Variants in CHD9 observed in about 807,000 individuals in gnomAD.
CHD9 encodes the protein chromodomain helicase DNA binding protein 9.
CHD9 carries 77 observed loss-of-function variants against 316.1 expected under a neutral mutation model. That is an observed-to-expected ratio of 0.24 (90% CI 0.20 to 0.29). The LOEUF (loss-of-function observed/expected upper bound fraction) is 0.29, where lower values mean the gene tolerates loss of function less well. Ranked by LOEUF, CHD9 falls within the 10% of genes least tolerant of loss-of-function variation. CHD9 has a pLI of 1.00. For synonymous variants in CHD9, 1,129 were observed against 1,158.3 expected, an observed-to-expected ratio of 0.97 and a Z score of 0.51; for missense variants, 2,763 against 3,438.1, an observed-to-expected ratio of 0.80 and a Z score of 4.91.
intron 1 of CHD9, among the ~76,000 whole-genome samples, chr16:53,070,762 C>T (rs1225316547): frequency 6.6e-6 from 1 of 152,142 alleles, no homozygotes; most frequent in Non-Finnish European, 1.5e-5. Flanking sequence ...CCATGTTGGC[C>T]AGGCTGGTCT....
chr16:53,211,613 A>G (rs554855673), intron 3 of CHD9, among the ~76,000 whole-genome samples: 1 of 152,250 alleles, frequency 6.6e-6, no homozygotes, highest in South Asian at 2.1e-4. Context: ...TTTTTGATAG[A>G]AGAATTTATA....
rs911358539 is a variant in CHD9 at position 53,101,410 on chromosome 16, G to A, written c.-165+46333G>A. ...CTGCCTCAGCCTCCTGAGTAGCTGG[G>A]ACCACAGGCATGTGCCACCACACTC... On this transcript the variant is annotated intron_variant, in intron 1 of 38. Transcript: ENST00000447540. Among the ~76,000 whole-genome samples the A allele has an allele frequency of 4.6e-5, 7 of 151,868 alleles. 1 individual carries two copies. Among genetic ancestry groups the A allele is most frequent in the Non-Finnish European group, 1.0e-4 (7 of 67,978 alleles).
chr16:53,115,061 A>G (rs905553517), intron 1 of CHD9, among the ~76,000 whole-genome samples: 10 of 152,248 alleles, frequency 6.6e-5, no homozygotes, highest in Non-Finnish European at 1.5e-5. Context: ...TTTTCAGGAC[A>G]GGTGTTAACA....
chr16:53,058,699 C>T (rs559871467), intron 1 of CHD9, among the ~76,000 whole-genome samples: 8 of 152,234 alleles, frequency 5.3e-5, no homozygotes, highest in South Asian at 2.1e-4. Flanking sequence ...GGATCATTTC[C>T]GCCTTTGAGA....
chr16:53,285,036 G>A (rs978819067), intron 24 of CHD9, among the ~76,000 whole-genome samples: 1 of 152,052 alleles, frequency 6.6e-6, no homozygotes, highest in Non-Finnish European at 1.5e-5. Context: ...TAAAGTGTTG[G>A]GATTACATAC....
intron 1 of CHD9, among the ~76,000 whole-genome samples, chr16:53,128,205 C>T (rs2039060050): frequency 1.3e-5 from 2 of 151,408 alleles, no homozygotes; most frequent in South Asian, 2.1e-4. Flanking sequence ...TCTTTTAAGA[C>T]GGAGTCTCGT....
chr16:53,246,490 C>A (rs1471890591), intron 15 of CHD9, among the ~76,000 whole-genome samples: 1 of 149,642 alleles, frequency 6.7e-6, no homozygotes, highest in Non-Finnish European at 1.5e-5. Context: ...TTCTTTCTTT[C>A]TTTTTCTGTG....
chr16:53,090,571 A>G (rs1368557864), intron 1 of CHD9, among the ~76,000 whole-genome samples: 4 of 152,186 alleles, frequency 2.6e-5, no homozygotes, highest in Non-Finnish European at 5.9e-5. Flanking sequence ...GGCATACAGT[A>G]ATCGCTCAGT....
rs924455557 is a variant in CHD9 at position 53,137,402 on chromosome 16, G to A, written c.-164-18524G>A. Among the ~76,000 whole-genome samples the A allele has an allele frequency of 5.3e-5, 8 of 151,958 alleles. No homozygotes were observed. The South Asian group carries it at 1.7e-3, about 32-fold the overall frequency. On this transcript the variant is annotated intron_variant, in intron 1 of 38. Coordinates refer to ENST00000447540, the MANE Select transcript of CHD9 (RefSeq NM_001308319.2). ...ATGAACATTCCTACACCCATCTTTC[G>A]GTGCACATGTGCCCACGTTTCTGTC...
intron 2 of CHD9, among the ~76,000 whole-genome samples, chr16:53,179,014 C>T (rs112793706): frequency 0.033 from 4,926 of 151,248 alleles, 101 homozygotes; most frequent in Middle Eastern, 0.071. Context: ...CATAGCGAGA[C>T]CCTGTTTCTA....
intron 1 of CHD9, chr16:53,121,445 T>A (rs1236671022): frequency 2.2e-6 from 1 of 455,888 alleles, no homozygotes; most frequent in East Asian, 6.9e-5. Flanking sequence ...CAAGCAGCTG[T>A]TTATAAAAGC....
Position 53,146,796 on chromosome 16 carries a change from C to CA in CHD9, c.-164-9115dup, listed in dbSNP as rs59556450. ...CCTGGGGGACAGAGTGAGACGGTCT[C>CA]AAAAAAAAAAAAAAAGTTAGAATGG... On this transcript the variant is annotated intron_variant, in intron 1 of 38. Coordinates refer to ENST00000447540, the MANE Select transcript of CHD9 (RefSeq NM_001308319.2). Among the ~76,000 whole-genome samples the CA allele has an allele frequency of 2.2e-3, 267 of 120,652 alleles. 2 individuals carry two copies. The highest frequency in any genetic ancestry group is 0.016 in the South Asian group (62 of 3,884). The allele number at this position is 120,652 out of a possible 152,430, so 79.2% of individuals were successfully genotyped here.
At chr16:53,092,949 T>C (rs2036076040) in intron 1 of CHD9, among the ~76,000 whole-genome samples, 1 of 152,158 alleles carries the variant, frequency 6.6e-6, no homozygotes, top group Non-Finnish European at 1.5e-5. Context: ...CAGCTAATTT[T>C]TGCATTCTTT....
At chr16:53,079,370 G>T (rs977742293) in intron 1 of CHD9, among the ~76,000 whole-genome samples, 1 of 152,190 alleles carries the variant, frequency 6.6e-6, no homozygotes, top group Non-Finnish European at 1.5e-5. Flanking sequence ...CAATGACTTA[G>T]CATAAAATGC....
intron 1 of CHD9, among the ~76,000 whole-genome samples, chr16:53,069,271 T>C (rs1037849818): frequency 6.6e-6 from 1 of 152,212 alleles, no homozygotes; most frequent in Non-Finnish European, 1.5e-5. Flanking sequence ...CCCAAAATGC[T>C]GGGACTACAG....
chr16:53,247,271 T>C (rs1255709402), intron 15 of CHD9, 22 bp from the exon 16 acceptor site: 3 of 1,535,866 alleles, frequency 2.0e-6, no homozygotes, highest in African/African-American at 1.4e-5. Context: ...ATTGCTGTTA[T>C]CTTCTCCTAT....
At chr16:53,301,101 T>C (rs1390689115) in intron 30 of CHD9, among the ~76,000 whole-genome samples, 1 of 152,052 alleles carries the variant, frequency 6.6e-6, no homozygotes, top group Non-Finnish European at 1.5e-5. Flanking sequence ...AAACAAAACA[T>C]TATTCACATC....
chr16:53,074,059 T>C (rs182089650), intron 1 of CHD9, among the ~76,000 whole-genome samples: 92 of 152,314 alleles, frequency 6.0e-4, no homozygotes, highest in African/African-American at 2.0e-3. Context: ...GATAATGATA[T>C]GGACAATGAA....
chr16:53,120,878 C>T (rs1215183915), intron 1 of CHD9, among the ~76,000 whole-genome samples: 5 of 150,936 alleles, frequency 3.3e-5, no homozygotes, highest in South Asian at 2.1e-4. Context: ...TGGTGGTGCA[C>T]GCCTGTAATC....
Sources: gnomAD v4.1 joint callset for allele counts (sites outside exome capture counted in the v4.1 genomes callset) on GRCh38, gnomAD v4.1.1 for gene constraint, MANE v1.5 for transcripts, NCBI Gene and HGNC (gene_info 2026-07-23, HGNC 2026-07-21) for gene names.